JMY: variants seen among roughly 807,000 people sequenced by gnomAD.
JMY encodes the protein junction mediating and regulatory protein, p53 cofactor.
In JMY, 46 loss-of-function variants were observed where a neutral mutation model predicts 103.3. The observed-to-expected ratio is 0.45, with a 90% CI of 0.35 to 0.57. JMY has a LOEUF of 0.57. Ranked by LOEUF, JMY falls within the 20% of genes least tolerant of loss-of-function variation. The pLI, the probability that JMY is intolerant of heterozygous loss-of-function variation, is 0.00. For synonymous variants in JMY, 526 were observed against 489.3 expected (o/e 1.07, Z -0.99); for missense variants, 1,238 against 1,255.2 (o/e 0.99, Z 0.21).
chr5:79,308,109 C>T (rs1580369558), intron 7 of JMY, among the ~76,000 whole-genome samples: 1 of 152,112 alleles, frequency 6.6e-6, no homozygotes, highest in African/African-American at 2.4e-5. Context: ...TATATTTTGG[C>T]TTACACTCCT....
rs1480667176 is a variant in JMY at position 79,237,038 on chromosome 5, A to C, written c.388A>C (p.Ser130Arg). The C allele has an allele frequency of 6.6e-7, 1 of 1,512,062 alleles. No homozygotes were observed. Among genetic ancestry groups the C allele is most frequent in the Non-Finnish European group, 8.9e-7 (1 of 1,127,378 alleles). 93.7% of individuals were successfully genotyped at this position (1,512,062 alleles called of 1,614,324 possible). Residue 130 changes from serine to arginine, a missense_variant, in exon 1 of 11, where the codon AGT becomes CGT. Transcript: ENST00000396137. ...RSLLGDPRLR[S>R]PGSKGAESRL... ...CCTTCTGGGGGACCCGCGGCTGCGG[A>C]GTCCTGGCAGCAAAGGGGCGGAGAG...
At chr5:79,276,326 C>G (rs529853519) in intron 1 of JMY, among the ~76,000 whole-genome samples, 1 of 152,062 alleles carries the variant, frequency 6.6e-6, no homozygotes, top group South Asian at 2.1e-4. Context: ...ACCATGTTGG[C>G]CAAGACTGCT....
At chr5:79,299,292 T>C (rs775437030) in intron 4 of JMY, among the ~76,000 whole-genome samples, 5 of 152,242 alleles carry the variant, frequency 3.3e-5, no homozygotes, top group Non-Finnish European at 4.4e-5. Flanking sequence ...AGAACTATGC[T>C]TGTCCTTCAC....
At position 79,314,542 on chromosome 5, in the gene JMY, A is replaced by T; in HGVS notation, c.2350A>T (p.Ile784Leu). 2 of 1,614,082 alleles carry T rather than the reference A, an allele frequency of 1.2e-6. No individual in the cohort carries two copies. Among genetic ancestry groups the T allele is most frequent in the Admixed American group, 1.7e-5 (1 of 60,012 alleles). Reference protein sequence around the residue: ...SGVTSELPPTISLPLLNNNLE... With the variant: ...SGVTSELPPTLSLPLLNNNLE... Reference sequence around the variant, plus strand: ...TGTTACCTCTGAACTGCCTCCCACTATATCTCTTCCACTTTTGAATAACAA... The same window carrying T: ...TGTTACCTCTGAACTGCCTCCCACTTTATCTCTTCCACTTTTGAATAACAA... Residue 784 changes from isoleucine (I) to leucine (L), a missense_variant, in exon 9 of 11, where the codon ATA becomes TTA. Coordinates refer to ENST00000396137, the MANE Select transcript of JMY (RefSeq NM_152405.5).
intron 9 of JMY, among the ~76,000 whole-genome samples, chr5:79,315,563 G>T (rs1434360675): frequency 1.3e-5 from 2 of 152,052 alleles, no homozygotes; most frequent in African/African-American, 4.8e-5. Context: ...ATCTGAGTAG[G>T]ATTTCACATG....
intron 1 of JMY, among the ~76,000 whole-genome samples, chr5:79,246,841 C>T (rs1251426808): frequency 2.6e-5 from 4 of 151,634 alleles, no homozygotes; most frequent in African/African-American, 9.7e-5. Flanking sequence ...AAGATTGCGG[C>T]ACTGCACTCT....
chr5:79,250,983 C>A (rs1745069252), intron 1 of JMY, among the ~76,000 whole-genome samples: 1 of 152,004 alleles, frequency 6.6e-6, no homozygotes, highest in East Asian at 1.9e-4. Flanking sequence ...GCCTATAATT[C>A]TTCACTTTTA....
intron 1 of JMY, among the ~76,000 whole-genome samples, chr5:79,253,217 G>A (rs1270883412): frequency 6.6e-6 from 1 of 151,610 alleles, no homozygotes; most frequent in Non-Finnish European, 1.5e-5. Flanking sequence ...ACTTTTTGTT[G>A]TTTCTTTTGT....
At chr5:79,256,207 C>T (rs963625509) in intron 1 of JMY, among the ~76,000 whole-genome samples, 3 of 152,220 alleles carry the variant, frequency 2.0e-5, no homozygotes, top group African/African-American at 7.2e-5. Flanking sequence ...CCCAGAGGAA[C>T]AAGCCCAGGG....
rs58036086 is a variant in JMY at position 79,263,801 on chromosome 5, C to CTT, written c.1033-14097_1033-14096dup. On this transcript the variant is annotated intron_variant, in intron 1 of 10. Coordinates refer to ENST00000396137, the MANE Select transcript of JMY (RefSeq NM_152405.5). ...TCCTGATGTGTGCCACCATGTCCGT[C>CTT]TTTTTTTTTTTTTGAAACAGAGTTT... 1.6e-3 allele frequency among the ~76,000 whole-genome samples: 236 copies of CTT among 147,990 alleles called. 1 individual carries two copies. Among genetic ancestry groups the CTT allele is most frequent in the African/African-American group, 5.6e-3 (226 of 40,238 alleles).
rs1747605699 is a variant in JMY at position 79,325,480 on chromosome 5, G to T, written c.*3878G>T. On this transcript the variant is annotated 3_prime_UTR_variant, in exon 11 of 11. Transcript: ENST00000396137. ...CCTAATTATTGCACTAAATGTAAATGATAACATAAAATTAAGTGTGCATTT... is the reference window on the plus strand; with the variant it reads ...CCTAATTATTGCACTAAATGTAAATTATAACATAAAATTAAGTGTGCATTT... 1 of 152,120 alleles carries T rather than the reference G, an allele frequency of 6.6e-6. No homozygotes were observed. The highest frequency in any genetic ancestry group is 6.5e-5 in the Admixed American group (1 of 15,268). The allele number at this position is 152,120 out of a possible 1,614,324, so 9.4% of individuals were successfully genotyped here. A position where few individuals can be genotyped will look rare whatever the true frequency, so the allele number is the denominator to read the frequency against.
chr5:79,295,439 T>C (rs903192370), intron 4 of JMY, among the ~76,000 whole-genome samples: 1 of 152,262 alleles, frequency 6.6e-6, no homozygotes, highest in Admixed American at 6.5e-5. Context: ...TGGAATGTTA[T>C]GATTTCATGA....
chr5:79,306,191 CTT>C (rs931782758), intron 6 of JMY, among the ~76,000 whole-genome samples, 182 bp from the exon 7 acceptor site: 11 of 152,142 alleles, frequency 7.2e-5, no homozygotes, highest in African/African-American at 2.7e-4. Flanking sequence ...ATAGAGGAGT[CTT>C]TTCGTAAGAT....
At chr5:79,251,329 T>C (rs1490600818) in intron 1 of JMY, among the ~76,000 whole-genome samples, 1 of 152,126 alleles carries the variant, frequency 6.6e-6, no homozygotes, top group Non-Finnish European at 1.5e-5. Context: ...CCTCCTAGGC[T>C]CAAGTGATCC....
At position 79,291,272 on chromosome 5, in the gene JMY, A is replaced by G; in HGVS notation, c.1500A>G (p.Glu500=). ...TGAGAGCTAAAGAGATATGCTTGGAACAGCGGAAACATGCACTAAAGGAAG... is the reference window on the plus strand; with the variant it reads ...TGAGAGCTAAAGAGATATGCTTGGAGCAGCGGAAACATGCACTAAAGGAAG... ...QMMRAKEICL[E]QRKHALKEEM... Residue 500 remains glutamate (E), a synonymous_variant, in exon 4 of 11, where the codon GAA becomes GAG. Transcript: ENST00000396137. 10 of 1,589,822 alleles carry G rather than the reference A, an allele frequency of 6.3e-6. No individual in the cohort carries two copies. The highest frequency in any genetic ancestry group is 1.2e-5 in the South Asian group (1 of 85,370).
intron 1 of JMY, among the ~76,000 whole-genome samples, chr5:79,239,499 T>A (rs1580321884): frequency 6.6e-6 from 1 of 152,208 alleles, no homozygotes. Flanking sequence ...TGTAACTTTT[T>A]GGATACTCAG....
intron 6 of JMY, among the ~76,000 whole-genome samples, chr5:79,304,478 G>C (rs1340178335): frequency 6.6e-6 from 1 of 152,078 alleles, no homozygotes; most frequent in African/African-American, 2.4e-5. Flanking sequence ...GTCCCCGGCT[G>C]TGCTGGTGAA....
At chr5:79,275,757 T>TA (rs1261447227) in intron 1 of JMY, among the ~76,000 whole-genome samples, 2 of 152,290 alleles carry the variant, frequency 1.3e-5, no homozygotes, top group African/African-American at 2.4e-5. Flanking sequence ...ACAGTAGCCT[T>TA]AAAAAAACAG....
Position 79,300,827 on chromosome 5 carries a change from G to T in JMY, c.1845G>T (p.Arg615=). The change falls in exon 6 of 11, where the codon CGG becomes CGT. Residue 615 remains arginine (R), a synonymous_variant. Transcript: ENST00000396137. ...GCCAGCTGGAAGCAAGACGTGGACGGGTTTCTGCCAAGAAATCCTACCTCA... is the reference window on the plus strand; with the variant it reads ...GCCAGCTGGAAGCAAGACGTGGACGTGTTTCTGCCAAGAAATCCTACCTCA... The part of the protein sequence containing the change: ...KARQLEARRG[R]VSAKKSYLRN... 1 of 1,593,516 alleles carries T rather than the reference G, an allele frequency of 6.3e-7. No homozygotes were observed. Among genetic ancestry groups the T allele is most frequent in the Non-Finnish European group, 8.5e-7 (1 of 1,173,770 alleles).
Sources: gnomAD v4.1 joint callset for allele counts (sites outside exome capture counted in the v4.1 genomes callset) on GRCh38, gnomAD v4.1.1 for gene constraint, MANE v1.5 for transcripts, NCBI Gene and HGNC (gene_info 2026-07-23, HGNC 2026-07-21) for gene names.